Variants in RUSC1 observed in about 807,000 individuals in gnomAD.
RUSC1 encodes AP-4 complex accessory subunit RUSC1.
Under a neutral mutation model 72.1 loss-of-function variants are expected in RUSC1, and 40 were observed. That is an observed-to-expected ratio of 0.55 (90% confidence interval 0.43 to 0.72). The LOEUF (loss-of-function observed/expected upper bound fraction) is 0.72, where lower values mean the gene tolerates loss of function less well. Ranked by LOEUF, RUSC1 falls within the 30% of genes least tolerant of loss-of-function variation. RUSC1 has a pLI of 0.00. For synonymous variants in RUSC1, 512 were observed against 494.2 expected (o/e 1.04, Z -0.48); for missense variants, 1,092 against 1,172.3 (o/e 0.93, Z 1.00).
Position 155,322,031 on chromosome 1 carries a change from C to A in RUSC1, c.258C>A (p.Asp86Glu), listed in dbSNP as rs1408737602. ...EHGPGLENRQ[D>E]PSQEEEGAAS... Reference sequence around the variant, plus strand: ...GTCCGGGCCTAGAAAACCGGCAGGACCCGTCACAGGAGGAAGAGGGGGCTG... The same window carrying A: ...GTCCGGGCCTAGAAAACCGGCAGGAACCGTCACAGGAGGAAGAGGGGGCTG... The change falls in exon 2 of 10, where the codon GAC becomes GAA. Residue 86 changes from aspartate to glutamate, a missense_variant. By Grantham distance (45) the Asp-to-Glu change is conservative. Transcript: ENST00000368352. 6.2e-7 allele frequency: 1 copy of A among 1,611,820 alleles called. No homozygotes were observed. The highest frequency in any genetic ancestry group is 2.2e-5 in the East Asian group (1 of 44,862).
rs1213432532 is a variant in RUSC1, at chr1:155,330,539, G to C, written c.2677G>C (p.Val893Leu). 1.1e-5 allele frequency: 18 copies of C among 1,611,938 alleles called. No individual in the cohort carries two copies. Among genetic ancestry groups the C allele is most frequent in the Non-Finnish European group, 1.5e-5 (18 of 1,178,788 alleles). The change falls in exon 10 of 10, where the codon GTG becomes CTG. Residue 893 changes from valine to leucine, a missense_variant. Physicochemically the swap from Val to Leu is conservative, Grantham distance 32 (BLOSUM62 1). Transcript: ENST00000368352. ...RCGRDGMEGL[V>L]PVGYTSLVL ...TGGGCGGGATGGCATGGAGGGTCTG[G>C]TGCCTGTGGGGTATACCTCCCTTGT...
In RUSC1 at chr1:155,326,898, G is replaced by A. The variant is rs569610366; in HGVS notation, c.2180G>A (p.Gly727Glu). 6 of 1,613,806 alleles carry A rather than the reference G, an allele frequency of 3.7e-6. No homozygotes were observed. The highest frequency in any genetic ancestry group is 1.6e-4 in the Middle Eastern group (1 of 6,062). ...PSDSPNLPTPGSWWEQLTQAS... is the reference protein window; with the variant it reads ...PSDSPNLPTPESWWEQLTQAS... ...GACTCTCCAAACCTTCCCACACCAG[G>A]GAGCTGGTGGGAGCAGTTGACCCAG... is the stretch of plus-strand genomic sequence containing the variant. The change falls in exon 8 of 10, where the codon GGG becomes GAG. Residue 727 changes from glycine (G) to glutamate (E), a missense_variant. Transcript: ENST00000368352. This position sits in a 1 kb window ranked among gnomAD's most constrained non-coding sequence, Gnocchi z 4.7.
chr1:155,326,876 T>C lies in RUSC1; in HGVS notation c.2158T>C (p.Ser720Pro). The change falls in exon 8 of 10, where the codon TCT (serine) becomes CCT (proline). Residue 720 changes from serine (S) to proline (P), a missense_variant. Coordinates refer to ENST00000368352, the MANE Select transcript of RUSC1 (RefSeq NM_001105203.2). The surrounding 1 kb of genome is among the most constrained non-coding windows in gnomAD (Gnocchi z 4.7). ...SKEAASDPSDSPNLPTPGSWW... is the reference protein window; with the variant it reads ...SKEAASDPSDPPNLPTPGSWW... ...GGAAGCTGCTTCAGACCCCTCTGAC[T>C]CTCCAAACCTTCCCACACCAGGGAG... 9 of 1,613,752 alleles carry C rather than the reference T, an allele frequency of 5.6e-6. No individual in the cohort carries two copies. Among genetic ancestry groups the C allele is most frequent in the Non-Finnish European group, 7.6e-6 (9 of 1,180,034 alleles).
chr1:155,325,112 A>T lies in RUSC1; in HGVS notation c.1467A>T (p.Ile489=), dbSNP rs1457455634. ...QLQEQKKGLL[I]AVSVSVDKII... is the part of the protein sequence containing the mutation. ...TCCCACTCCTCCCAGGTCTTCTGAT[A>T]GCCGTCAGCGTCTCCGTTGATAAAA... is the stretch of plus-strand genomic sequence containing the variant. Residue 489 remains isoleucine, a synonymous_variant, in exon 4 of 10, where the codon ATA becomes ATT. Transcript: ENST00000368352. This position sits in a 1 kb window ranked among gnomAD's most constrained non-coding sequence, Gnocchi z 6.5. 6.2e-7 allele frequency: 1 copy of T among 1,614,200 alleles called. No homozygotes were observed.
chr1:155,326,151 C>T lies in RUSC1; in HGVS notation c.1861+241C>T. The stretch of plus-strand genomic sequence containing the variant: ...TTGGAGGGTCTTGCCAACAGTCTTC[C>T]CGCCTGGCCCTTCCTGCTCCAGGGC... On this transcript the variant is annotated intron_variant, in intron 7 of 9. Transcript: ENST00000368352. This position sits in a 1 kb window ranked among gnomAD's most constrained non-coding sequence, Gnocchi z 4.7. The T allele has an allele frequency of 1.7e-6, 1 of 592,292 alleles. No homozygotes were observed. Among genetic ancestry groups the T allele is most frequent in the Non-Finnish European group, 3.0e-6 (1 of 333,562 alleles). 36.7% of individuals were successfully genotyped at this position (592,292 alleles called of 1,614,324 possible).
chr1:155,323,860 G>A (rs1244144958), intron 2 of RUSC1: 2 of 966,988 alleles, frequency 2.1e-6, no homozygotes, highest in Non-Finnish European at 2.5e-6. Flanking sequence ...CAGGCGGGCC[G>A]CCCCGCCCAC....
chr1:155,326,867 C>G lies in RUSC1; in HGVS notation c.2149C>G (p.Pro717Ala). ...RGTSKEAASD[P>A]SDSPNLPTPG... ...GACTTCCAAGGAAGCTGCTTCAGAC[C>G]CCTCTGACTCTCCAAACCTTCCCAC... The change falls in exon 8 of 10, where the codon CCC becomes GCC. Residue 717 changes from proline (P) to alanine (A), a missense_variant. Physicochemically the swap from Pro to Ala is conservative, Grantham distance 27. Coordinates refer to ENST00000368352, the MANE Select transcript of RUSC1 (RefSeq NM_001105203.2). This position sits in a 1 kb window ranked among gnomAD's most constrained non-coding sequence, Gnocchi z 4.7. The G allele has an allele frequency of 6.2e-7, 1 of 1,613,744 alleles. No individual in the cohort carries two copies. The highest frequency in any genetic ancestry group is 8.5e-7 in the Non-Finnish European group (1 of 1,180,032).
In RUSC1 at chr1:155,322,374, G is replaced by C. The variant is rs1052954467; in HGVS notation, c.601G>C (p.Glu201Gln). The C allele has an allele frequency of 6.2e-7, 1 of 1,614,074 alleles. No individual in the cohort carries two copies. The highest frequency in any genetic ancestry group is 8.5e-7 in the Non-Finnish European group (1 of 1,179,924). ...VPSPGLEEED[E>Q]RAEQDLPTSE... Reference sequence around the variant, plus strand: ...TTCCCCAGGCTTGGAGGAAGAGGACGAGAGGGCGGAGCAGGATCTCCCTAC... The same window carrying C: ...TTCCCCAGGCTTGGAGGAAGAGGACCAGAGGGCGGAGCAGGATCTCCCTAC... The change falls in exon 2 of 10, where the codon GAG (glutamate) becomes CAG (glutamine). Residue 201 changes from glutamate to glutamine, a missense_variant. Glu to Gln is a conservative substitution (Grantham distance 29, BLOSUM62 2). Transcript: ENST00000368352.
At chr1:155,323,920 C>T (rs1650933174) in intron 2 of RUSC1, 1 of 990,918 alleles carries the variant, frequency 1.0e-6, no homozygotes, top group South Asian at 4.4e-5. Flanking sequence ...CCAGCTTAGT[C>T]CCGCCCTTCA....
chr1:155,323,198 C>T (rs1176818311), intron 2 of RUSC1, 68 bp downstream of exon 2: 6 of 1,370,618 alleles, frequency 4.4e-6, no homozygotes, highest in Non-Finnish European at 5.6e-6. Context: ...GCTTCCAACC[C>T]GGCCCCCTGT....
At position 155,326,766 on chromosome 1, in the gene RUSC1, G is replaced by A; in HGVS notation, c.2048G>A (p.Gly683Asp). The A allele has an allele frequency of 1.2e-6, 2 of 1,612,994 alleles. No individual in the cohort carries two copies. Among genetic ancestry groups the A allele is most frequent in the Non-Finnish European group, 1.7e-6 (2 of 1,180,032 alleles). Residue 683 changes from glycine (G) to aspartate (D), a missense_variant, in exon 8 of 10, where the codon GGC (glycine) becomes GAC (aspartate). Gly to Asp is a moderately conservative substitution (Grantham distance 94). Coordinates refer to ENST00000368352, the MANE Select transcript of RUSC1 (RefSeq NM_001105203.2). The surrounding 1 kb of genome is among the most constrained non-coding windows in gnomAD (Gnocchi z 4.7). Reference protein sequence around the residue: ...LGPPQAPAPPGPPPALQQTMQ... With the variant: ...LGPPQAPAPPDPPPALQQTMQ... ...CCACCTCAGGCCCCTGCCCCTCCAG[G>A]CCCACCTCCAGCTCTGCAGCAGACT...
Position 155,326,016 on chromosome 1 carries a change from G to C in RUSC1, c.1861+106G>C. The stretch of plus-strand genomic sequence containing the variant: ...CTGCTGCCAGAATGCCATTAATCCA[G>C]ATCTCCGATCTTATTACTCTTCTAA... On this transcript the variant is annotated intron_variant, in intron 7 of 9. Coordinates refer to ENST00000368352, the MANE Select transcript of RUSC1 (RefSeq NM_001105203.2). The surrounding 1 kb of genome is among the most constrained non-coding windows in gnomAD (Gnocchi z 4.7). 8.5e-7 allele frequency: 1 copy of C among 1,175,098 alleles called. No individual in the cohort carries two copies. The highest frequency in any genetic ancestry group is 1.2e-5 in the South Asian group (1 of 81,056). 72.8% of individuals were successfully genotyped at this position (1,175,098 alleles called of 1,614,324 possible).
At position 155,322,817 on chromosome 1, in the gene RUSC1, C is replaced by G. The variant is rs754379923; in HGVS notation, c.1044C>G (p.Pro348=). ...DRSDWLIVFS[P]DTELPPSGSP... ...GTGACTGGCTCATAGTCTTCTCGCCCGACACCGAGCTCCCCCCCTCGGGGT... is the reference window on the plus strand; with the variant it reads ...GTGACTGGCTCATAGTCTTCTCGCCGGACACCGAGCTCCCCCCCTCGGGGT... The change falls in exon 2 of 10, where the codon CCC becomes CCG. Residue 348 remains proline, a synonymous_variant. Coordinates refer to ENST00000368352, the MANE Select transcript of RUSC1 (RefSeq NM_001105203.2). 2.5e-6 allele frequency: 4 copies of G among 1,613,852 alleles called. No individual in the cohort carries two copies. In the Admixed American group the frequency reaches 6.7e-5, roughly 27 times the overall value.
In RUSC1 at chr1:155,321,499, T is replaced by C; in HGVS notation, c.-86-189T>C. On this transcript the variant is annotated intron_variant, in intron 1 of 9. Coordinates refer to ENST00000368352, the MANE Select transcript of RUSC1 (RefSeq NM_001105203.2). ...CCCTCCCGGCTCCATTCCCGGGGGG[T>C]TACATTCGACTCCATCTGCAAACAC... 2.0e-6 allele frequency: 3 copies of C among 1,480,102 alleles called. No homozygotes were observed. The South Asian group carries it at 3.6e-5, about 18-fold the overall frequency. 91.7% of individuals were successfully genotyped at this position (1,480,102 alleles called of 1,614,324 possible). A position where few individuals can be genotyped will look rare whatever the true frequency, so the allele number is the denominator to read the frequency against.
Position 155,324,855 on chromosome 1 carries a change from G to A in RUSC1, c.1368G>A (p.Ser456=). 1.9e-6 allele frequency: 3 copies of A among 1,614,256 alleles called. No homozygotes were observed. Among genetic ancestry groups the A allele is most frequent in the Non-Finnish European group, 2.5e-6 (3 of 1,180,044 alleles). The part of the protein sequence containing the change: ...GAQAGLEVRS[S]WSFAGVPGAQ... ...CTTCCCTTACGCCAGTCCGTAGTTC[G>A]TGGTCCTTCGCCGGTGTCCCCGGAG... Residue 456 remains serine, a synonymous_variant, in exon 3 of 10, where the codon TCG becomes TCA. Coordinates refer to ENST00000368352, the MANE Select transcript of RUSC1 (RefSeq NM_001105203.2).
At chr1:155,324,718 C>T (rs1295113306) in intron 2 of RUSC1, 127 bp from the exon 3 acceptor site, 23 of 1,568,374 alleles carry the variant, frequency 1.5e-5, no homozygotes, top group Non-Finnish European at 1.9e-5. Context: ...CGGTCCTGCG[C>T]CTCCTCTCCC....
rs1467567414 is a variant in RUSC1, at chr1:155,324,861, C to T, written c.1374C>T (p.Ser458=). ...TTACGCCAGTCCGTAGTTCGTGGTCCTTCGCCGGTGTCCCCGGAGCCCAGC... is the reference window on the plus strand; with the variant it reads ...TTACGCCAGTCCGTAGTTCGTGGTCTTTCGCCGGTGTCCCCGGAGCCCAGC... ...QAGLEVRSSW[S]FAGVPGAQRL... is the part of the protein sequence containing the mutation. The change falls in exon 3 of 10, where the codon TCC becomes TCT. Residue 458 remains serine, a synonymous_variant. Coordinates refer to ENST00000368352, the MANE Select transcript of RUSC1 (RefSeq NM_001105203.2). The T allele has an allele frequency of 1.2e-6, 2 of 1,614,120 alleles. No individual in the cohort carries two copies. Among genetic ancestry groups the T allele is most frequent in the Non-Finnish European group, 1.7e-6 (2 of 1,180,044 alleles).
rs759631001 is a variant in RUSC1 at position 155,322,778 on chromosome 1, G to A, written c.1005G>A (p.Ala335=). ...CAGGGCTGCCCCTTGTCCCGCAGGC[G>A]AAGAAAGATCGCAGTGACTGGCTCA... ...RGPGLPLVPQ[A]KKDRSDWLIV... is the part of the protein sequence containing the mutation. Residue 335 remains alanine (A), a synonymous_variant, in exon 2 of 10, where the codon GCG becomes GCA. Transcript: ENST00000368352. The A allele has an allele frequency of 2.5e-6, 4 of 1,613,754 alleles. No homozygotes were observed. The highest frequency in any genetic ancestry group is 1.1e-5 in the South Asian group (1 of 91,074).
At position 155,320,917 on chromosome 1, in the gene RUSC1, C is replaced by G; in HGVS notation, c.-161C>G. ...TTGTGCTAGTGCCCCTCCCCTCCCG[C>G]TCTGTGCCCCGCCGGGCGGGGACCG... On this transcript the variant is annotated 5_prime_UTR_variant, in exon 1 of 10. Coordinates refer to ENST00000368352, the MANE Select transcript of RUSC1 (RefSeq NM_001105203.2). 1 of 1,588,428 alleles carries G rather than the reference C, an allele frequency of 6.3e-7. No homozygotes were observed. Among genetic ancestry groups the G allele is most frequent in the Non-Finnish European group, 8.6e-7 (1 of 1,167,528 alleles).
Sources: gnomAD v4.1 joint callset for allele counts on GRCh38, gnomAD v4.1.1 for gene constraint, Gnocchi (gnomAD v3.1) non-coding constraint, MANE v1.5 for transcripts, NCBI Gene and HGNC (gene_info 2026-07-23, HGNC 2026-07-21) for gene names.